ZNF423: variants seen among roughly 807,000 people sequenced by gnomAD.
ZNF423 encodes the protein Ebf-associated zinc finger protein.
ZNF423 carries 12 observed loss-of-function variants against 95.8 expected under a neutral mutation model. The observed-to-expected ratio is 0.13, with a 90% CI of 0.08 to 0.20. The LOEUF (loss-of-function observed/expected upper bound fraction) is 0.20, where lower values mean the gene tolerates loss of function less well. ZNF423 is among the 10% of genes least tolerant of loss of function. ZNF423 has a pLI of 1.00. For missense variants in ZNF423, 1,316 were observed against 1,737.1 expected (o/e 0.76, Z 4.31); for synonymous variants, 749 against 711.9 (o/e 1.05, Z -0.83).
chr16:49,654,609 A>T (rs1396694775), intron 3 of ZNF423, among the ~76,000 whole-genome samples: 1 of 152,242 alleles, frequency 6.6e-6, no homozygotes, highest in Non-Finnish European at 1.5e-5. Flanking sequence ...TTGGGCTTTG[A>T]AGAAGGAGTA....
rs1290955745 is a variant in ZNF423, at chr16:49,855,883, C to CT, written c.-110dup. On this transcript the variant is annotated 5_prime_UTR_variant, in exon 1 of 8. Coordinates refer to ENST00000563137, the MANE Select transcript of ZNF423 (RefSeq NM_001379286.1). This position sits in a 1 kb window ranked among gnomAD's most constrained non-coding sequence, Gnocchi z 4.7. ...TTCTCCTCCGCCTGTCTCTTGGAAA[C>CT]TTTTTTTTTTGCAGCCCGGTTGGCG... is the stretch of plus-strand genomic sequence containing the variant. The CT allele has an allele frequency of 2.6e-4, 39 of 147,916 alleles. No homozygotes were observed. The highest frequency in any genetic ancestry group is 8.1e-4 in the Admixed American group (12 of 14,890). 9.2% of individuals were successfully genotyped at this position (147,916 alleles called of 1,614,324 possible).
At chr16:49,829,248 C>T (rs535169269) in intron 1 of ZNF423, among the ~76,000 whole-genome samples, 1 of 152,324 alleles carries the variant, frequency 6.6e-6, no homozygotes, top group South Asian at 2.1e-4. Flanking sequence ...TACAATCTGG[C>T]ATTGGCAATC....
chr16:49,755,034 C>T (rs2033700384), intron 2 of ZNF423, among the ~76,000 whole-genome samples: 2 of 152,314 alleles, frequency 1.3e-5, no homozygotes, highest in East Asian at 1.9e-4. Context: ...GCGGTGGCAG[C>T]GGCACGCTCT....
chr16:49,541,889 C>A (rs1005275529), intron 5 of ZNF423, among the ~76,000 whole-genome samples: 2 of 152,254 alleles, frequency 1.3e-5, no homozygotes, highest in Admixed American at 1.3e-4. Flanking sequence ...GAGGCCTCCC[C>A]AGCCCTGCGG....
intron 6 of ZNF423, 143 bp downstream of exon 6, chr16:49,525,220 C>T: frequency 1.6e-6 from 2 of 1,267,106 alleles, no homozygotes; most frequent in Non-Finnish European, 2.2e-6. Flanking sequence ...CCTGTTAATC[C>T]CTCAGGGTAT....
At chr16:49,657,956 T>C (rs1042432407) in intron 3 of ZNF423, among the ~76,000 whole-genome samples, 1 of 152,190 alleles carries the variant, frequency 6.6e-6, no homozygotes, top group African/African-American at 2.4e-5. Context: ...ACCGTCAGGG[T>C]CTGTGTCCTA....
intron 5 of ZNF423, among the ~76,000 whole-genome samples, chr16:49,572,001 A>G (rs2080360457): frequency 6.6e-6 from 1 of 152,248 alleles, no homozygotes; most frequent in African/African-American, 2.4e-5. Flanking sequence ...TGTGCCAAGC[A>G]CCGTGTGTAC....
chr16:49,735,615 G>A (rs568613588), intron 2 of ZNF423, among the ~76,000 whole-genome samples: 2 of 152,308 alleles, frequency 1.3e-5, no homozygotes, highest in South Asian at 2.1e-4. Context: ...CTAGACTTCT[G>A]AGGCTAGGTC....
chr16:49,773,863 A>G (rs1399820742), intron 2 of ZNF423, among the ~76,000 whole-genome samples: 1 of 152,214 alleles, frequency 6.6e-6, no homozygotes, highest in Non-Finnish European at 1.5e-5. Context: ...GAGGGAGGCA[A>G]GGAGGCAGAG....
intron 3 of ZNF423, among the ~76,000 whole-genome samples, chr16:49,727,872 G>A (rs1270924541): frequency 2.6e-5 from 4 of 152,348 alleles, no homozygotes; most frequent in South Asian, 2.1e-4. Flanking sequence ...GGCTTCTATC[G>A]AGTGACCAGT....
intron 1 of ZNF423, among the ~76,000 whole-genome samples, chr16:49,815,905 TATATA>T (rs2034843245): frequency 2.2e-5 from 1 of 45,066 alleles, no homozygotes; most frequent in Non-Finnish European, 4.1e-5. Context: ...TATATATATA[TATATA>T]TATATTTTTT....
upstream of ZNF423, among the ~76,000 whole-genome samples, chr16:49,856,418 A>AC (rs2035370987): frequency 9.5e-6 from 1 of 105,250 alleles, no homozygotes; most frequent in African/African-American, 4.2e-5. Context: ...GAAGCTCAGT[A>AC]CCCCCCAGGA....
At chr16:49,851,020 G>T (rs1004861210) in intron 1 of ZNF423, among the ~76,000 whole-genome samples, 1 of 152,284 alleles carries the variant, frequency 6.6e-6, no homozygotes, top group South Asian at 2.1e-4. Context: ...GAGCCGAAAG[G>T]CTCTGTGACT....
At position 49,848,855 on chromosome 16, in the gene ZNF423, C is replaced by G. The variant is rs2035273174; in HGVS notation, c.40+6880G>C. On this transcript the variant is annotated intron_variant, in intron 1 of 7. Coordinates refer to ENST00000563137, the MANE Select transcript of ZNF423 (RefSeq NM_001379286.1). ...GTTGGCAGCAGGGCAGCACCTCGCACCGCAGTGTATCAGGCAGGAGGATGC... is the reference window on the plus strand; with the variant it reads ...GTTGGCAGCAGGGCAGCACCTCGCAGCGCAGTGTATCAGGCAGGAGGATGC... Among the ~76,000 whole-genome samples the G allele has an allele frequency of 2.0e-5, 3 of 152,248 alleles. No individual in the cohort carries two copies. The South Asian group carries it at 6.2e-4, about 32-fold the overall frequency.
At chr16:49,537,860 T>C (rs559322132) in intron 5 of ZNF423, among the ~76,000 whole-genome samples, 1 of 152,258 alleles carries the variant, frequency 6.6e-6, no homozygotes, top group South Asian at 2.1e-4. Flanking sequence ...TGTGTTCAGC[T>C]CCCAGAGCTG....
At chr16:49,808,494 G>A (rs1376268539) in intron 1 of ZNF423, among the ~76,000 whole-genome samples, 4 of 152,180 alleles carry the variant, frequency 2.6e-5, no homozygotes, top group Non-Finnish European at 5.9e-5. Context: ...CAAGCCTCCG[G>A]TGCAATGTCC....
At chr16:49,795,636 A>C (rs1177445689) in intron 1 of ZNF423, among the ~76,000 whole-genome samples, 1 of 152,118 alleles carries the variant, frequency 6.6e-6, no homozygotes, top group South Asian at 2.1e-4. Context: ...TCCTGCTAAA[A>C]CACTTCACCG....
At chr16:49,645,120 G>C (rs776076364) in intron 3 of ZNF423, among the ~76,000 whole-genome samples, 9 of 152,196 alleles carry the variant, frequency 5.9e-5, no homozygotes, top group Non-Finnish European at 1.2e-4. Flanking sequence ...CCACTCAACT[G>C]TTTCTTCAGA....
chr16:49,846,633 C>T (rs1400582772), intron 1 of ZNF423, among the ~76,000 whole-genome samples: 1 of 152,182 alleles, frequency 6.6e-6, no homozygotes, highest in Non-Finnish European at 1.5e-5. Flanking sequence ...CCAGCACTCT[C>T]TGTGGCCTCC....
Sources: gnomAD v4.1 joint callset for allele counts (sites outside exome capture counted in the v4.1 genomes callset) on GRCh38, gnomAD v4.1.1 for gene constraint, Gnocchi (gnomAD v3.1) non-coding constraint, MANE v1.5 for transcripts, NCBI Gene and HGNC (gene_info 2026-07-23, HGNC 2026-07-21) for gene names.